Variants in YJEFN3 observed in about 807,000 individuals in gnomAD.
The protein encoded by YJEFN3 is yjeF N-terminal domain-containing protein 3.
A neutral mutation model predicts 31.5 loss-of-function variants in YJEFN3; 29 were observed. The ratio of observed to expected loss-of-function variants is 0.92; its 90% CI spans 0.69 to 1.26. The LOEUF (loss-of-function observed/expected upper bound fraction) is 1.26, where lower values mean the gene tolerates loss of function less well. YJEFN3 is among the 50% of genes most tolerant of loss of function. YJEFN3 has a pLI of 0.00. For missense variants in YJEFN3, 442 were observed against 425.4 expected (o/e 1.04, Z -0.34); for synonymous variants, 227 against 196.1 (o/e 1.16, Z -1.32).
chr19:19,535,039 C>A lies in YJEFN3; in HGVS notation c.324C>A (p.Phe108Leu). Residue 108 changes from phenylalanine (F) to leucine (L), a missense_variant, in exon 4 of 7, where the codon TTC (phenylalanine) becomes TTA (leucine). Phe to Leu is a conservative substitution (Grantham distance 22). Transcript: ENST00000514277. ...GCTGTGTCCCCTACCACCAGGCGTT[C>A]CCGTTGCCCGCTCTCTCCCGGAAGC... Reference protein sequence around the residue: ...HASAVAVTKAFPLPALSRKQR... With the variant: ...HASAVAVTKALPLPALSRKQR... 6.3e-7 allele frequency: 1 copy of A among 1,597,316 alleles called. No individual in the cohort carries two copies. The highest frequency in any genetic ancestry group is 8.5e-7 in the Non-Finnish European group (1 of 1,171,764).
At chr19:19,533,244 T>C in intron 3 of YJEFN3, 1 of 988,128 alleles carries the variant, frequency 1.0e-6, no homozygotes, top group South Asian at 4.7e-5. Context: ...ACAAGGGTGA[T>C]AGCAATAATC....
chr19:19,529,762 G>T (rs889982076), intron 2 of YJEFN3, among the ~76,000 whole-genome samples: 2 of 152,124 alleles, frequency 1.3e-5, no homozygotes, highest in African/African-American at 4.8e-5. Flanking sequence ...GGTGAGGGGG[G>T]CCTCAAATGC....
intron 2 of YJEFN3, among the ~76,000 whole-genome samples, chr19:19,531,794 C>T (rs986646941): frequency 2.1e-5 from 3 of 140,418 alleles, no homozygotes; most frequent in Non-Finnish European, 3.0e-5. Context: ...TGCAGTGGCA[C>T]GATCTCGGCT....
At chr19:19,535,211 G>C in intron 4 of YJEFN3, 67 bp downstream of exon 4, 1 of 1,523,176 alleles carries the variant, frequency 6.6e-7, no homozygotes, top group Non-Finnish European at 9.0e-7. Flanking sequence ...GCCTTCTTTT[G>C]ATAGCTTCCC....
intron 6 of YJEFN3, 68 bp downstream of exon 6, chr19:19,535,747 C>T: frequency 6.6e-7 from 1 of 1,519,754 alleles, no homozygotes; most frequent in Non-Finnish European, 8.8e-7. Flanking sequence ...TGCCCCAGCT[C>T]CTGGTCGCCC....
chr19:19,535,264 T>C (rs1419934575), intron 4 of YJEFN3, 73 bp from the exon 5 acceptor site: 3 of 1,537,338 alleles, frequency 2.0e-6, no homozygotes, highest in African/African-American at 1.4e-5. Flanking sequence ...ATATGCCCAG[T>C]GCTTGTCCCA....
In YJEFN3 at chr19:19,535,334, C is replaced by T; in HGVS notation, c.430-3C>T. Reference sequence around the variant, plus strand: ...GTCTGACCCCCTCTTCTCCCACCCCCAGGAGTATGAACCCACCATCTTCTA... The same window carrying T: ...GTCTGACCCCCTCTTCTCCCACCCCTAGGAGTATGAACCCACCATCTTCTA... On this transcript the variant is annotated splice_region_variant and splice_polypyrimidine_tract_variant and intron_variant, in intron 4 of 6. Coordinates refer to ENST00000514277, the MANE Select transcript of YJEFN3 (RefSeq NM_198537.4). The T allele has an allele frequency of 6.2e-7, 1 of 1,613,364 alleles. No individual in the cohort carries two copies. The highest frequency in any genetic ancestry group is 8.5e-7 in the Non-Finnish European group (1 of 1,179,702).
intron 6 of YJEFN3, chr19:19,535,974 G>A (rs1568366464): frequency 1.8e-5 from 10 of 567,740 alleles, no homozygotes; most frequent in East Asian, 1.2e-4. Context: ...CAAAGGCCGC[G>A]CCCGCCCTGG....
chr19:19,530,269 C>T (rs1235455841), intron 2 of YJEFN3, among the ~76,000 whole-genome samples: 1 of 152,068 alleles, frequency 6.6e-6, no homozygotes, highest in African/African-American at 2.4e-5. Context: ...GGCCGAGATT[C>T]GGGATAGCAA....
chr19:19,529,653 C>A, intron 2 of YJEFN3, 140 bp downstream of exon 2: 1 of 1,165,086 alleles, frequency 8.6e-7, no homozygotes, highest in Non-Finnish European at 1.2e-6. Context: ...CTGCCCACTG[C>A]CCACCTAGCA....
intron 2 of YJEFN3, among the ~76,000 whole-genome samples, chr19:19,532,032 G>A (rs190564199): frequency 1.3e-5 from 2 of 152,060 alleles, no homozygotes; most frequent in African/African-American, 2.4e-5. Flanking sequence ...GAGGCACCGC[G>A]CCCGGCCTGG....
intron 6 of YJEFN3, 197 bp downstream of exon 6, chr19:19,535,876 TCTC>T (rs1452184527): frequency 4.0e-6 from 3 of 740,918 alleles, no homozygotes; most frequent in Non-Finnish European, 6.8e-6. Flanking sequence ...TGACCCCAGG[TCTC>T]CTCTTTCCTC....
At chr19:19,533,972 A>G in intron 3 of YJEFN3, 1 of 985,492 alleles carries the variant, frequency 1.0e-6, no homozygotes, top group South Asian at 4.7e-5. Flanking sequence ...TTTGGGGAGG[A>G]TACTTGAAAG....
intron 2 of YJEFN3, among the ~76,000 whole-genome samples, chr19:19,531,513 T>G (rs528677687): frequency 4.6e-5 from 7 of 152,172 alleles, no homozygotes; most frequent in Non-Finnish European, 8.8e-5. Flanking sequence ...CCTCCCAGAT[T>G]GAAGTGATCC....
rs1266769198 is a variant in YJEFN3 at position 19,534,997 on chromosome 19, A to ACTGTGC, written c.319-28_319-23dup. 2.0e-6 allele frequency: 3 copies of ACTGTGC among 1,523,140 alleles called. No individual in the cohort carries two copies. Among genetic ancestry groups the ACTGTGC allele is most frequent in the South Asian group, 1.3e-5 (1 of 78,050 alleles). 94.4% of individuals were successfully genotyped at this position (1,523,140 alleles called of 1,614,324 possible). A position where few individuals can be genotyped will look rare whatever the true frequency, so the allele number is the denominator to read the frequency against. Reference sequence around the variant, plus strand: ...CCTCTCCAGGCAAGGAGGAATCTGGACTGTGCCTGTGCCTTTGCTGTGTCC... The same window carrying ACTGTGC: ...CCTCTCCAGGCAAGGAGGAATCTGGACTGTGCCTGTGCCTGTGCCTTTGCTGTGTCC... On this transcript the variant is annotated intron_variant, in intron 3 of 6. Coordinates refer to ENST00000514277, the MANE Select transcript of YJEFN3 (RefSeq NM_198537.4). This position sits in a 1 kb window ranked among gnomAD's most constrained non-coding sequence, Gnocchi z 4.6.
intron 6 of YJEFN3, 21 bp downstream of exon 6, chr19:19,535,700 C>T (rs2061202873): frequency 1.9e-6 from 3 of 1,545,350 alleles, no homozygotes; most frequent in Non-Finnish European, 2.6e-6. Flanking sequence ...CAGAGGGGGG[C>T]ACATTGGGGC....
At chr19:19,532,886 C>G in intron 3 of YJEFN3, 146 bp downstream of exon 3, 1 of 1,108,134 alleles carries the variant, frequency 9.0e-7, no homozygotes, top group Non-Finnish European at 1.2e-6. Context: ...AACTGAGGCC[C>G]AGAGAGGCTC....
chr19:19,533,260 A>G, intron 3 of YJEFN3: 1 of 986,880 alleles, frequency 1.0e-6, no homozygotes, highest in African/African-American at 1.7e-5. Context: ...TAATCATACT[A>G]TGGAGTGCTT....
At chr19:19,529,558 TC>T in intron 2 of YJEFN3, 45 bp downstream of exon 2, 1 of 1,596,938 alleles carries the variant, frequency 6.3e-7, no homozygotes, top group Non-Finnish European at 8.5e-7. Flanking sequence ...GCTGTGACTC[TC>T]ACCTCATCCT....
Sources: gnomAD v4.1 joint callset for allele counts (sites outside exome capture counted in the v4.1 genomes callset) on GRCh38, gnomAD v4.1.1 for gene constraint, Gnocchi (gnomAD v3.1) non-coding constraint, MANE v1.5 for transcripts, NCBI Gene and HGNC (gene_info 2026-07-23, HGNC 2026-07-21) for gene names.